Variants in ABTB3 observed in about 807,000 individuals in gnomAD.
ABTB3 encodes ankyrin repeat- and BTB/POZ domain-containing protein 3.
At chr12:107,358,509 G>T in the ABTB3 span, among the ~76,000 whole-genome samples, 1 of 152,190 alleles carries the variant, frequency 6.6e-6, no homozygotes, top group African/African-American at 2.4e-5. Context: ...TTAAAATCCT[G>T]TCTCAAGTAA....
chr12:107,646,711 G>A, the ABTB3 span, among the ~76,000 whole-genome samples: 1 of 152,188 alleles, frequency 6.6e-6, no homozygotes, highest in African/African-American at 2.4e-5. Context: ...TGTACACACT[G>A]CAGTCTGTTT....
At chr12:107,349,408 A>G in the ABTB3 span, among the ~76,000 whole-genome samples, 1 of 152,244 alleles carries the variant, frequency 6.6e-6, no homozygotes, top group African/African-American at 2.4e-5. Context: ...AGTAAGGTGC[A>G]TAACAGGTTC....
chr12:107,549,109 A>T, the ABTB3 span, among the ~76,000 whole-genome samples: 1 of 152,340 alleles, frequency 6.6e-6, no homozygotes, highest in African/African-American at 2.4e-5. Context: ...TATCAGGGAA[A>T]TGTCTGCCAG....
chr12:107,334,118 G>T, the ABTB3 span, among the ~76,000 whole-genome samples: 3 of 152,198 alleles, frequency 2.0e-5, no homozygotes, highest in Non-Finnish European at 2.9e-5. Flanking sequence ...AGCCAGGTTG[G>T]GTAGGGCCCC....
chr12:107,600,837 G>A, the ABTB3 span, among the ~76,000 whole-genome samples: 1 of 152,168 alleles, frequency 6.6e-6, no homozygotes, highest in Admixed American at 6.5e-5. Context: ...GAGCTCTCAC[G>A]AGGCCCTGCA....
At chr12:107,393,658 C>T in the ABTB3 span, among the ~76,000 whole-genome samples, 1 of 152,162 alleles carries the variant, frequency 6.6e-6, no homozygotes, top group African/African-American at 2.4e-5. Flanking sequence ...AGGCTGGGTG[C>T]AGTGGGTCAT....
the ABTB3 span, among the ~76,000 whole-genome samples, chr12:107,512,393 G>A: frequency 2.4e-3 from 358 of 152,332 alleles, 2 homozygotes; most frequent in Non-Finnish European, 4.1e-3. Flanking sequence ...TCTATGCTAT[G>A]TATCTGTAGA....
At chr12:107,320,464 C>T in the ABTB3 span, 1 of 419,768 alleles carries the variant, frequency 2.4e-6, no homozygotes, top group South Asian at 1.7e-5. Context: ...CTTCCCTGGG[C>T]GCATGAATTG....
chr12:107,375,678 T>C, the ABTB3 span, among the ~76,000 whole-genome samples: 1 of 152,148 alleles, frequency 6.6e-6, no homozygotes, highest in Non-Finnish European at 1.5e-5. Context: ...ACTTACCTGC[T>C]GGAGGCCAGA....
At chr12:107,608,877 TTAAAATAAAATAAAATAA>T in the ABTB3 span, among the ~76,000 whole-genome samples, 417 of 90,358 alleles carry the variant, frequency 4.6e-3, 22 homozygotes, top group African/African-American at 0.01. Flanking sequence ...CCTCAAAAAT[TTAAAATAAAATAAAATAA>T]ATAAAATAAA....
chr12:107,564,090 C>CTCTGTGTGTGTGTGTG, the ABTB3 span, among the ~76,000 whole-genome samples: 10 of 126,356 alleles, frequency 7.9e-5, no homozygotes, highest in African/African-American at 2.5e-4. Flanking sequence ...ATCTATCTCT[C>CTCTGTGTGTGTGTGTG]TGTGTGTGTG....
At chr12:107,654,878 G>A in the ABTB3 span, among the ~76,000 whole-genome samples, 2 of 146,532 alleles carry the variant, frequency 1.4e-5, no homozygotes, top group Admixed American at 6.7e-5. Flanking sequence ...AGTTAAATGA[G>A]GATTATACCA....
At chr12:107,577,194 AAGCCTAAC>A in the ABTB3 span, among the ~76,000 whole-genome samples, 1 of 152,216 alleles carries the variant, frequency 6.6e-6, no homozygotes, top group African/African-American at 2.4e-5. Flanking sequence ...ATGGCCCACA[AAGCCTAAC>A]ATACTTACTA....
chr12:107,646,429 CTTA>C, the ABTB3 span, among the ~76,000 whole-genome samples: 1 of 148,304 alleles, frequency 6.7e-6, no homozygotes, highest in Non-Finnish European at 1.5e-5. Flanking sequence ...TCTTAAGGCT[CTTA>C]TTGTTATTTG....
the ABTB3 span, among the ~76,000 whole-genome samples, chr12:107,575,590 G>T: frequency 1.3e-5 from 2 of 152,182 alleles, no homozygotes; most frequent in African/African-American, 4.8e-5. Context: ...TCTTCCTAGA[G>T]GCTCTGGGAA....
At chr12:107,384,826 C>T in the ABTB3 span, among the ~76,000 whole-genome samples, 1 of 152,112 alleles carries the variant, frequency 6.6e-6, no homozygotes, top group Non-Finnish European at 1.5e-5. Flanking sequence ...GCAAGGCTTG[C>T]AAGGAAGCCC....
chr12:107,530,099 G>T, the ABTB3 span, among the ~76,000 whole-genome samples: 1 of 152,128 alleles, frequency 6.6e-6, no homozygotes, highest in South Asian at 2.1e-4. Flanking sequence ...ATCAAAGGTG[G>T]GAAAACAAGA....
At chr12:107,490,012 GA>G in the ABTB3 span, among the ~76,000 whole-genome samples, 5 of 150,806 alleles carry the variant, frequency 3.3e-5, no homozygotes, top group South Asian at 4.2e-4. Flanking sequence ...AATATAGTTA[GA>G]AAAAAAAATA....
the ABTB3 span, among the ~76,000 whole-genome samples, chr12:107,556,200 T>C: frequency 1.3e-5 from 2 of 151,720 alleles, no homozygotes; most frequent in Admixed American, 6.6e-5. Flanking sequence ...GTTCAAGCAA[T>C]TCTCCTACCT....
Sources: allele counts gnomAD v4.1 joint callset (sites outside exome capture counted in the v4.1 genomes callset), GRCh38; gene constraint gnomAD v4.1.1; transcripts MANE v1.5; gene names NCBI Gene and HGNC (gene_info 2026-07-23, HGNC 2026-07-21).